Variants in DCLK1 observed in about 807,000 individuals in gnomAD.
DCLK1 encodes the protein serine/threonine-protein kinase DCLK1.
A neutral mutation model predicts 86.2 loss-of-function variants in DCLK1; 16 were observed. The observed-to-expected ratio is 0.19, with a 90% CI of 0.13 to 0.28. The LOEUF (loss-of-function observed/expected upper bound fraction) is 0.28, where lower values mean the gene tolerates loss of function less well. Ranked by LOEUF, DCLK1 falls within the 10% of genes least tolerant of loss-of-function variation. The pLI is 1.00. For synonymous variants in DCLK1, 369 were observed against 370.5 expected, an observed-to-expected ratio of 1.00 and a Z score of 0.05; for missense variants, 590 against 940.2, an observed-to-expected ratio of 0.63 and a Z score of 4.87.
chr13:35,919,683 G>A (rs933348449), intron 4 of DCLK1, among the ~76,000 whole-genome samples: 2 of 152,078 alleles, frequency 1.3e-5, no homozygotes, highest in African/African-American at 4.8e-5. Context: ...TACCTTGGCT[G>A]GGAGCGGTGG....
At chr13:35,785,050 T>C (rs543040072) in intron 16 of DCLK1, among the ~76,000 whole-genome samples, 8 of 151,506 alleles carry the variant, frequency 5.3e-5, no homozygotes, top group Admixed American at 5.2e-4. Context: ...ATGCACATTT[T>C]AGTCACATCT....
intron 3 of DCLK1, among the ~76,000 whole-genome samples, chr13:36,072,812 G>A (rs7332428): frequency 0.43 from 65,256 of 151,990 alleles, 13,991 homozygotes; most frequent in East Asian, 0.52. Flanking sequence ...AACCACAGTA[G>A]TTATTTTACT....
At chr13:35,874,176 C>T (rs993717918) in intron 4 of DCLK1, among the ~76,000 whole-genome samples, 7 of 152,268 alleles carry the variant, frequency 4.6e-5, no homozygotes, top group South Asian at 2.1e-4. Flanking sequence ...TCCCTATCCA[C>T]GCAATTTCTA....
At chr13:36,038,812 TA>T (rs1470496200) in intron 3 of DCLK1, among the ~76,000 whole-genome samples, 3 of 152,190 alleles carry the variant, frequency 2.0e-5, no homozygotes. Context: ...ATTTTGCAGA[TA>T]AGGAAACTGA....
chr13:35,806,839 C>T (rs79953669), intron 14 of DCLK1, among the ~76,000 whole-genome samples: 1,988 of 152,334 alleles, frequency 0.013, 21 homozygotes, highest in Admixed American at 0.021. Flanking sequence ...ATCGTCCCAT[C>T]TCCTTTAGCC....
At chr13:35,944,961 G>T (rs1877284392) in intron 4 of DCLK1, among the ~76,000 whole-genome samples, 1 of 152,128 alleles carries the variant, frequency 6.6e-6, no homozygotes, top group Non-Finnish European at 1.5e-5. Context: ...GAGTGCAATG[G>T]TGCGATCTCG....
intron 6 of DCLK1, chr13:35,850,493 A>G (rs17052996): frequency 0.23 from 269,941 of 1,193,068 alleles, 31,572 homozygotes; most frequent in East Asian, 0.34. Flanking sequence ...TTTGTGTTCA[A>G]ACTCTCCCCA....
At chr13:35,975,340 A>C (rs543892218) in intron 3 of DCLK1, among the ~76,000 whole-genome samples, 9 of 152,314 alleles carry the variant, frequency 5.9e-5, no homozygotes, top group Admixed American at 2.0e-4. Context: ...TCTGACCTGC[A>C]TCAGGCTGGA....
chr13:35,822,611 C>T (rs2087422399), intron 11 of DCLK1, 118 bp downstream of exon 11: 1 of 1,436,178 alleles, frequency 7.0e-7, no homozygotes, highest in African/African-American at 1.4e-5. Context: ...TGAAGGCTAA[C>T]TGGAAATTAA....
At chr13:35,775,619 A>G (rs1173972907) in intron 16 of DCLK1, among the ~76,000 whole-genome samples, 2 of 152,220 alleles carry the variant, frequency 1.3e-5, no homozygotes, top group African/African-American at 4.8e-5. Context: ...ATGAGGTCTG[A>G]AGAAAAATAT....
At chr13:35,952,173 C>T (rs1230627045) in intron 3 of DCLK1, among the ~76,000 whole-genome samples, 1 of 152,004 alleles carries the variant, frequency 6.6e-6, no homozygotes, top group East Asian at 1.9e-4. Context: ...CGAGTGCATA[C>T]GTAATATAAA....
At chr13:35,973,932 T>C (rs1879193525) in intron 3 of DCLK1, among the ~76,000 whole-genome samples, 1 of 152,120 alleles carries the variant, frequency 6.6e-6, no homozygotes, top group African/African-American at 2.4e-5. Context: ...AAAGGGATGA[T>C]GTCAGTGAGG....
At chr13:36,079,869 C>A (rs140224648) in intron 3 of DCLK1, among the ~76,000 whole-genome samples, 4 of 152,292 alleles carry the variant, frequency 2.6e-5, no homozygotes, top group African/African-American at 9.6e-5. Flanking sequence ...GTAGCTGTAC[C>A]TTACCCAATG....
chr13:36,062,335 G>T (rs980575932), intron 3 of DCLK1, among the ~76,000 whole-genome samples: 2 of 152,032 alleles, frequency 1.3e-5, no homozygotes, highest in African/African-American at 4.8e-5. Context: ...ATGTTGCCTG[G>T]TATCCCCTGG....
chr13:35,840,706 A>C (rs80048672), intron 6 of DCLK1, among the ~76,000 whole-genome samples: 1 of 152,184 alleles, frequency 6.6e-6, no homozygotes, highest in East Asian at 1.9e-4. Flanking sequence ...GGCTACAAAA[A>C]CGGATTGAGA....
chr13:36,013,738 A>C (rs1319771723), intron 3 of DCLK1, among the ~76,000 whole-genome samples: 1 of 152,104 alleles, frequency 6.6e-6, no homozygotes, highest in Non-Finnish European at 1.5e-5. Flanking sequence ...GGCTTCCTTG[A>C]GCTGTGGTGG....
chr13:35,774,592 C>G lies in DCLK1; in HGVS notation c.2166G>C (p.Ser722=), dbSNP rs1372942208. The G allele has an allele frequency of 6.3e-7, 1 of 1,579,572 alleles. No homozygotes were observed. The highest frequency in any genetic ancestry group is 8.6e-7 in the Non-Finnish European group (1 of 1,161,004). The change falls in exon 17 of 17, where the codon TCG becomes TCC. Residue 722 remains serine (S), a synonymous_variant. Transcript: ENST00000360631. Reference sequence around the variant, plus strand: ...CGGAGGAGCTTGGGGAGTAGTCTTCCGATTCCGAGTTGAGTTCGGGAGGAG... The same window carrying G: ...CGGAGGAGCTTGGGGAGTAGTCTTCGGATTCCGAGTTGAGTTCGGGAGGAG... ...QPAPPELNSE[S]EDYSPSSSET...
chr13:36,064,516 G>T (rs942398691), intron 3 of DCLK1, among the ~76,000 whole-genome samples: 1 of 152,010 alleles, frequency 6.6e-6, no homozygotes, highest in African/African-American at 2.4e-5. Flanking sequence ...AAAATTAGCT[G>T]GGCGTGGTGG....
At chr13:35,805,906 ACTCC>A in intron 14 of DCLK1, 127 bp from the exon 15 acceptor site, 1 of 700,606 alleles carries the variant, frequency 1.4e-6, no homozygotes, top group East Asian at 2.9e-5. Context: ...AAATACATCA[ACTCC>A]ACTTACCTGT....
Sources: gnomAD v4.1 joint callset for allele counts (sites outside exome capture counted in the v4.1 genomes callset) on GRCh38, gnomAD v4.1.1 for gene constraint, MANE v1.5 for transcripts, NCBI Gene and HGNC (gene_info 2026-07-23, HGNC 2026-07-21) for gene names.